Variants in AGAP1 observed in about 807,000 individuals in gnomAD.
The protein encoded by AGAP1 is arf-GAP with GTPase, ANK repeat and PH domain-containing protein 1.
A neutral mutation model predicts 105.3 loss-of-function variants in AGAP1; 29 were observed. The ratio of observed to expected loss-of-function variants is 0.28; its 90% CI spans 0.21 to 0.38. AGAP1 has a LOEUF of 0.38. AGAP1 is among the 10% of genes least tolerant of loss of function. AGAP1 has a pLI of 1.00. For synonymous variants in AGAP1, 509 were observed against 485.9 expected (o/e 1.05, Z -0.63); for missense variants, 998 against 1,165.1 (o/e 0.86, Z 2.09).
At position 235,709,211 on chromosome 2, in the gene AGAP1, A is replaced by T; in HGVS notation, c.196A>T (p.Ser66Cys). 6.2e-7 allele frequency: 1 copy of T among 1,614,052 alleles called. No individual in the cohort carries two copies. The highest frequency in any genetic ancestry group is 8.5e-7 in the Non-Finnish European group (1 of 1,180,010). ...CGTGAACAGCCAGGAATGGACGCTGAGTCGATCTGTCCCGGAGCTCAAAGT... is the reference window on the plus strand; with the variant it reads ...CGTGAACAGCCAGGAATGGACGCTGTGTCGATCTGTCCCGGAGCTCAAAGT... ...AFVNSQEWTL[S>C]RSVPELKVGI... Residue 66 changes from serine (S) to cysteine (C), a missense_variant, in exon 2 of 18, where the codon AGT (serine) becomes TGT (cysteine). Ser to Cys is a moderately radical substitution (Grantham distance 112). Transcript: ENST00000304032.
Position 235,887,522 on chromosome 2 carries a change from C to G in AGAP1, c.1155+4073C>G, listed in dbSNP as rs917082098. ...GTTTTACACTAGAGGAAAATGTTAT[C>G]TGGTTTCTGAGAACACTATTCTCAT... On this transcript the variant is annotated intron_variant, in intron 10 of 17. Transcript: ENST00000304032. This position sits in a 1 kb window ranked among gnomAD's most constrained non-coding sequence, Gnocchi z 4.1. 6.6e-5 allele frequency among the ~76,000 whole-genome samples: 10 copies of G among 152,222 alleles called. No homozygotes were observed. Among genetic ancestry groups the G allele is most frequent in the Admixed American group, 3.9e-4 (6 of 15,284 alleles).
In AGAP1 at chr2:235,621,538, G is replaced by A. The variant is rs1050086905; in HGVS notation, c.164-87641G>A. On this transcript the variant is annotated intron_variant, in intron 1 of 17. Transcript: ENST00000304032. This position sits in a 1 kb window ranked among gnomAD's most constrained non-coding sequence, Gnocchi z 4.1. Reference sequence around the variant, plus strand: ...GTGAATGTGTCAAGGGCCCTGTCACGTCTCTGAGCCGGCTTCTCTGGGCAC... The same window carrying A: ...GTGAATGTGTCAAGGGCCCTGTCACATCTCTGAGCCGGCTTCTCTGGGCAC... 1.6e-4 allele frequency among the ~76,000 whole-genome samples: 25 copies of A among 152,244 alleles called. No homozygotes were observed. Among genetic ancestry groups the A allele is most frequent in the Middle Eastern group, 3.4e-3 (1 of 294 alleles).
rs1423972239 is a variant in AGAP1 at position 235,716,868 on chromosome 2, C to G, written c.223-689C>G. ...CCAGGTTACTGCTAGGACAGAGGCC[C>G]TCATGTCACCCTCCCTCCTGAGGGT... On this transcript the variant is annotated intron_variant, in intron 2 of 17. Transcript: ENST00000304032. This position sits in a 1 kb window ranked among gnomAD's most constrained non-coding sequence, Gnocchi z 4.0. Among the ~76,000 whole-genome samples the G allele has an allele frequency of 6.6e-6, 1 of 152,058 alleles. No homozygotes were observed. The highest frequency in any genetic ancestry group is 1.5e-5 in the Non-Finnish European group (1 of 67,996).
chr2:235,651,322 A>G (rs1023130084), intron 1 of AGAP1, among the ~76,000 whole-genome samples: 9 of 152,082 alleles, frequency 5.9e-5, no homozygotes, highest in Non-Finnish European at 1.0e-4. Context: ...ACCACTGAGA[A>G]AACGATCTGC....
At position 235,690,427 on chromosome 2, in the gene AGAP1, G is replaced by A. The variant is rs537612196; in HGVS notation, c.164-18752G>A. The stretch of plus-strand genomic sequence containing the variant: ...AGGCAGAGCTCACATTGGAGCACTT[G>A]ATATTATGCATTTGAAACATTGAGA... On this transcript the variant is annotated intron_variant, in intron 1 of 17. Transcript: ENST00000304032. The surrounding 1 kb of genome is among the most constrained non-coding windows in gnomAD (Gnocchi z 4.1). 6.6e-6 allele frequency among the ~76,000 whole-genome samples: 1 copy of A among 152,230 alleles called. No homozygotes were observed. Among genetic ancestry groups the A allele is most frequent in the South Asian group, 2.1e-4 (1 of 4,824 alleles).
Position 235,740,895 on chromosome 2 carries a change from C to G in AGAP1, c.311-68C>G. 1 of 1,596,830 alleles carries G rather than the reference C, an allele frequency of 6.3e-7. No homozygotes were observed. The highest frequency in any genetic ancestry group is 8.6e-7 in the Non-Finnish European group (1 of 1,165,766). ...AGGGTGTATTTTTCCACAAGCGAAG[C>G]CCACGTCTGTCTGCCCTCCTCACTC... On this transcript the variant is annotated intron_variant, in intron 3 of 17. Transcript: ENST00000304032. The surrounding 1 kb of genome is among the most constrained non-coding windows in gnomAD (Gnocchi z 5.7).
At chr2:236,023,121 C>G (rs958432148) in intron 13 of AGAP1, among the ~76,000 whole-genome samples, 2 of 152,118 alleles carry the variant, frequency 1.3e-5, no homozygotes, top group African/African-American at 4.8e-5. Context: ...GGAGAAAGAC[C>G]ACAAGGTAGC....
rs949914908 is a variant in AGAP1, at chr2:235,737,308, T to A, written c.311-3655T>A. ...AAATCATGCAAATCAATTACCAGTA[T>A]CTGGTGTTTGAAATTGTAAGATGCT... On this transcript the variant is annotated intron_variant, in intron 3 of 17. Transcript: ENST00000304032. This position sits in a 1 kb window ranked among gnomAD's most constrained non-coding sequence, Gnocchi z 4.5. Among the ~76,000 whole-genome samples the A allele has an allele frequency of 6.6e-6, 1 of 152,204 alleles. No homozygotes were observed. The highest frequency in any genetic ancestry group is 2.4e-5 in the African/African-American group (1 of 41,436).
Position 236,087,699 on chromosome 2 carries a change from G to C in AGAP1, c.2115-32493G>C, listed in dbSNP as rs2058968285. Among the ~76,000 whole-genome samples the C allele has an allele frequency of 6.6e-6, 1 of 152,158 alleles. No individual in the cohort carries two copies. The highest frequency in any genetic ancestry group is 2.1e-4 in the South Asian group (1 of 4,826). On this transcript the variant is annotated intron_variant, in intron 16 of 17. Coordinates refer to ENST00000304032, the MANE Select transcript of AGAP1 (RefSeq NM_001037131.3). This position sits in a 1 kb window ranked among gnomAD's most constrained non-coding sequence, Gnocchi z 5.7. ...GAATAGTCTCATAAGCCATGTAAGT[G>C]GCCTTATTGGTTAAGTGACAACCGG...
chr2:235,962,086 C>CA lies in AGAP1; in HGVS notation c.1484-6375dup, dbSNP rs1398738251. Among the ~76,000 whole-genome samples the CA allele has an allele frequency of 7.0e-6, 1 of 142,592 alleles. No individual in the cohort carries two copies. Among genetic ancestry groups the CA allele is most frequent in the Admixed American group, 6.9e-5 (1 of 14,570 alleles). The allele number at this position is 142,592 out of a possible 152,430, so 93.5% of individuals were successfully genotyped here. ...TGTTTTGTTTTGTTTTGTTTTGTTTCAGTGAAGTGAAAAGTGAGGTCATCG... is the reference window on the plus strand; with the variant it reads ...TGTTTTGTTTTGTTTTGTTTTGTTTCAAGTGAAGTGAAAAGTGAGGTCATCG... On this transcript the variant is annotated intron_variant, in intron 12 of 17. Coordinates refer to ENST00000304032, the MANE Select transcript of AGAP1 (RefSeq NM_001037131.3). This position sits in a 1 kb window ranked among gnomAD's most constrained non-coding sequence, Gnocchi z 5.3.
At position 235,958,802 on chromosome 2, in the gene AGAP1, G is replaced by A. The variant is rs2054057464; in HGVS notation, c.1484-9660G>A. On this transcript the variant is annotated intron_variant, in intron 12 of 17. Coordinates refer to ENST00000304032, the MANE Select transcript of AGAP1 (RefSeq NM_001037131.3). The surrounding 1 kb of genome is among the most constrained non-coding windows in gnomAD (Gnocchi z 4.1). The stretch of plus-strand genomic sequence containing the variant: ...AAGCAGGCTGCTTGATATTTATGCG[G>A]ACGGAATGTTATTTTATTCCCCCTC... 6.6e-6 allele frequency among the ~76,000 whole-genome samples: 1 copy of A among 152,192 alleles called. No individual in the cohort carries two copies.
In AGAP1 at chr2:235,670,373, T is replaced by A. The variant is rs1948324914; in HGVS notation, c.164-38806T>A. On this transcript the variant is annotated intron_variant, in intron 1 of 17. Coordinates refer to ENST00000304032, the MANE Select transcript of AGAP1 (RefSeq NM_001037131.3). ...GGGTCCCCGGCCGCGCGCTTGGGAT[T>A]TCCGCACCTTCCGCACCCGCAGCAC... 1.1e-5 allele frequency: 6 copies of A among 547,470 alleles called. No individual in the cohort carries two copies. In the East Asian group the frequency reaches 2.2e-4, roughly 20 times the overall value. The allele number at this position is 547,470 out of a possible 1,614,324, so 33.9% of individuals were successfully genotyped here.
Position 235,927,576 on chromosome 2 carries a change from G to A in AGAP1, c.1325-3189G>A, listed in dbSNP as rs1215007213. Among the ~76,000 whole-genome samples, 1 of 152,190 alleles carries A rather than the reference G, an allele frequency of 6.6e-6. No homozygotes were observed. The highest frequency in any genetic ancestry group is 2.4e-5 in the African/African-American group (1 of 41,450). ...TAAACCTAAGATGAGTTCTTGATCAGCAACCTCCATTGGAACATTTCGTGG... is the reference window on the plus strand; with the variant it reads ...TAAACCTAAGATGAGTTCTTGATCAACAACCTCCATTGGAACATTTCGTGG... On this transcript the variant is annotated intron_variant, in intron 11 of 17. Transcript: ENST00000304032. The surrounding 1 kb of genome is among the most constrained non-coding windows in gnomAD (Gnocchi z 4.4).
chr2:235,632,030 G>C (rs1243782005), intron 1 of AGAP1, among the ~76,000 whole-genome samples: 2 of 152,184 alleles, frequency 1.3e-5, no homozygotes, highest in African/African-American at 2.4e-5. Context: ...CAGCCTCAAG[G>C]GACAGCCCAC....
rs141894984 is a variant in AGAP1 at position 236,051,016 on chromosome 2, T to C, written c.2114+1735T>C. Among the ~76,000 whole-genome samples, 1 of 152,306 alleles carries C rather than the reference T, an allele frequency of 6.6e-6. No homozygotes were observed. Among genetic ancestry groups the C allele is most frequent in the African/African-American group, 2.4e-5 (1 of 41,574 alleles). ...TGTTACATACATCACATCATTATAT[T>C]TTAGAGACCTATTGCAGAGACTTGC... On this transcript the variant is annotated intron_variant, in intron 16 of 17. Transcript: ENST00000304032. The surrounding 1 kb of genome is among the most constrained non-coding windows in gnomAD (Gnocchi z 5.9).
chr2:236,129,562 G>A lies in AGAP1; in HGVS notation c.*5440G>A, dbSNP rs2125996258. 6.6e-6 allele frequency: 1 copy of A among 152,302 alleles called. No individual in the cohort carries two copies. The highest frequency in any genetic ancestry group is 2.1e-4 in the South Asian group (1 of 4,828). 9.4% of individuals were successfully genotyped at this position (152,302 alleles called of 1,614,324 possible). Reference sequence around the variant, plus strand: ...GAGAGAAGTGGCCAGTGTCCCGTCTGTGATTAGACAGAAACCCCTGTGGCA... The same window carrying A: ...GAGAGAAGTGGCCAGTGTCCCGTCTATGATTAGACAGAAACCCCTGTGGCA... On this transcript the variant is annotated 3_prime_UTR_variant, in exon 18 of 18. Transcript: ENST00000304032. This position sits in a 1 kb window ranked among gnomAD's most constrained non-coding sequence, Gnocchi z 6.2.
Position 236,035,819 on chromosome 2 carries a change from G to A in AGAP1, c.1646-742G>A, listed in dbSNP as rs934612453. Among the ~76,000 whole-genome samples the A allele has an allele frequency of 2.0e-5, 3 of 152,128 alleles. No homozygotes were observed. Among genetic ancestry groups the A allele is most frequent in the Non-Finnish European group, 2.9e-5 (2 of 68,022 alleles). On this transcript the variant is annotated intron_variant, in intron 13 of 17. Coordinates refer to ENST00000304032, the MANE Select transcript of AGAP1 (RefSeq NM_001037131.3). This position sits in a 1 kb window ranked among gnomAD's most constrained non-coding sequence, Gnocchi z 4.2. Reference sequence around the variant, plus strand: ...TACACTTCATGGAACTAGCAGAAAAGCATTAGACAGTCGGTGCCCTTTTCC... The same window carrying A: ...TACACTTCATGGAACTAGCAGAAAAACATTAGACAGTCGGTGCCCTTTTCC...
intron 13 of AGAP1, among the ~76,000 whole-genome samples, chr2:236,026,508 C>G (rs1389079165): frequency 1.3e-5 from 2 of 152,216 alleles, no homozygotes; most frequent in Non-Finnish European, 2.9e-5. Context: ...GCAGGCACAT[C>G]ACCTGAGGCC....
chr2:235,501,765 C>A (rs1203464223), intron 1 of AGAP1, among the ~76,000 whole-genome samples: 3 of 152,104 alleles, frequency 2.0e-5, no homozygotes, highest in African/African-American at 7.2e-5. Context: ...TCTAGCAAAC[C>A]TGTGTCCCCC....
Sources: gnomAD v4.1 joint callset for allele counts (sites outside exome capture counted in the v4.1 genomes callset) on GRCh38, gnomAD v4.1.1 for gene constraint, Gnocchi (gnomAD v3.1) non-coding constraint, MANE v1.5 for transcripts, NCBI Gene and HGNC (gene_info 2026-07-23, HGNC 2026-07-21) for gene names.